Variants in ZNF483 observed in about 807,000 individuals in gnomAD.
ZNF483 encodes zinc finger protein 483.
ZNF483 carries 9 observed loss-of-function variants against 28.6 expected under a neutral mutation model. The ratio of observed to expected loss-of-function variants is 0.32; its 90% CI spans 0.19 to 0.55. The LOEUF is 0.55. ZNF483 is among the 20% of genes least tolerant of loss of function. The pLI is 0.93. For missense variants in ZNF483, 675 were observed against 871.7 expected, an observed-to-expected ratio of 0.77 and a Z score of 2.84; for synonymous variants, 322 against 306.2, an observed-to-expected ratio of 1.05 and a Z score of -0.54.
Position 111,542,696 on chromosome 9 carries a change from C to G in ZNF483, c.1761C>G (p.Ala587=), listed in dbSNP as rs1453440892. The change falls in exon 6 of 6, where the codon GCC becomes GCG. Residue 587 remains alanine (A), a synonymous_variant. Coordinates refer to ENST00000309235, the MANE Select transcript of ZNF483 (RefSeq NM_133464.5). This position sits in a 1 kb window ranked among gnomAD's most constrained non-coding sequence, Gnocchi z 6.2. ...ATAAATGTGGCGAATGTGGAAAAGC[C>G]TTTAGGCAGAATTCATGCCTTACCC... is the stretch of plus-strand genomic sequence containing the variant. ...KPYKCGECGK[A]FRQNSCLTRH... 1.9e-6 allele frequency: 3 copies of G among 1,614,076 alleles called. No individual in the cohort carries two copies. Among genetic ancestry groups the G allele is most frequent in the Non-Finnish European group, 2.5e-6 (3 of 1,179,998 alleles).
chr9:111,560,962 T>G lies in ZNF483; in HGVS notation c.722-15403T>G, dbSNP rs1828271489. ...CATCTAAAATATATATATATATATA[T>G]ATATATATATATAGAGAGAGAGAGA... On this transcript the variant is annotated intron_variant, in intron 5 of 5. Transcript: ENST00000358151. Among the ~76,000 whole-genome samples the G allele has an allele frequency of 4.4e-5, 2 of 45,926 alleles. 1 individual carries two copies. The allele number at this position is 45,926 out of a possible 152,430, so 30.1% of individuals were successfully genotyped here.
intron 2 of ZNF483, among the ~76,000 whole-genome samples, chr9:111,528,588 TTGCAGTGTAATA>T: frequency 6.6e-6 from 1 of 152,308 alleles, no homozygotes; most frequent in South Asian, 2.1e-4. Flanking sequence ...TATTTGTATT[TTGCAGTGTAATA>T]TGCTACAAAT....
In ZNF483 at chr9:111,546,426, C is replaced by T. The variant is rs907102626; in HGVS notation, c.*3256C>T. Among the ~76,000 whole-genome samples, 1 of 152,096 alleles carries T rather than the reference C, an allele frequency of 6.6e-6. No homozygotes were observed. The highest frequency in any genetic ancestry group is 1.5e-5 in the Non-Finnish European group (1 of 67,990). On this transcript the variant is annotated 3_prime_UTR_variant, in exon 6 of 6. Transcript: ENST00000309235. ...TGCCTGCAGGACATTCAGTCTGGCC[C>T]ATCACCCAAATATTTAAATTCACTT...
chr9:111,566,053 A>G (rs1489271818), intron 5 of ZNF483, among the ~76,000 whole-genome samples: 1 of 151,958 alleles, frequency 6.6e-6, no homozygotes, highest in Non-Finnish European at 1.5e-5. Flanking sequence ...CTCTACTAAA[A>G]ATAGCCGAGA....
At chr9:111,573,690 T>C (rs1309504971) in intron 5 of ZNF483, among the ~76,000 whole-genome samples, 1 of 152,178 alleles carries the variant, frequency 6.6e-6, no homozygotes, top group Non-Finnish European at 1.5e-5. Flanking sequence ...GTTTTGAGTC[T>C]GTTGCCAATA....
At chr9:111,565,124 C>CA (rs879478393) in intron 5 of ZNF483, among the ~76,000 whole-genome samples, 2 of 146,694 alleles carry the variant, frequency 1.4e-5, no homozygotes, top group East Asian at 2.0e-4. Flanking sequence ...AACTCCATCT[C>CA]AAAAAAAAAA....
rs1229469186 is a variant in ZNF483, at chr9:111,549,174, TAAAG to T, written c.*6006_*6009del. On this transcript the variant is annotated 3_prime_UTR_variant, in exon 6 of 6. Coordinates refer to ENST00000309235, the MANE Select transcript of ZNF483 (RefSeq NM_133464.5). ...TTCTCTGTGTGTGTGAGTGTATAAA[TAAAG>T]ATTTAATTTTGTTTTGCTCTTTTGT... 6.6e-6 allele frequency among the ~76,000 whole-genome samples: 1 copy of T among 152,220 alleles called. No individual in the cohort carries two copies. The highest frequency in any genetic ancestry group is 2.4e-5 in the African/African-American group (1 of 41,470).
At chr9:111,526,725 A>T (rs1362937104) in intron 1 of ZNF483, among the ~76,000 whole-genome samples, 1 of 152,152 alleles carries the variant, frequency 6.6e-6, no homozygotes, top group African/African-American at 2.4e-5. Context: ...ACCTTTTCTG[A>T]TAACATTTTG....
intron 5 of ZNF483, among the ~76,000 whole-genome samples, chr9:111,572,566 G>A (rs1828865083): frequency 6.6e-6 from 1 of 151,896 alleles, no homozygotes; most frequent in African/African-American, 2.4e-5. Context: ...CTCCAGCCTG[G>A]GCGACAGAGT....
Position 111,527,525 on chromosome 9 carries a change from A to G in ZNF483, c.130A>G (p.Asn44Asp), listed in dbSNP as rs1827212236. The G allele has an allele frequency of 6.2e-7, 1 of 1,614,210 alleles. No homozygotes were observed. The highest frequency in any genetic ancestry group is 8.5e-7 in the Non-Finnish European group (1 of 1,180,036). Residue 44 changes from asparagine to aspartate, a missense_variant, in exon 2 of 6, where the codon AAT becomes GAT. Coordinates refer to ENST00000309235, the MANE Select transcript of ZNF483 (RefSeq NM_133464.5). ...SGEQEAILRGNAADAESFRQR... is the reference protein window; with the variant it reads ...SGEQEAILRGDAADAESFRQR... ...GGAACAAGAAGCTATTTTAAGAGGA[A>G]ATGCTGCTGATGCAGAGTCTTTCAG...
rs954672048 is a variant in ZNF483 at position 111,547,936 on chromosome 9, A to G, written c.*4766A>G. On this transcript the variant is annotated 3_prime_UTR_variant, in exon 6 of 6. Transcript: ENST00000309235. ...CTCTTGTCAAAGATCATTTGACCAT[A>G]TACATGCATGTTTATTTCTGGCTGT... Among the ~76,000 whole-genome samples the G allele has an allele frequency of 6.6e-6, 1 of 152,188 alleles. No homozygotes were observed. The highest frequency in any genetic ancestry group is 1.5e-5 in the Non-Finnish European group (1 of 68,020).
rs1178438143 is a variant in ZNF483 at position 111,549,672 on chromosome 9, T to A, written c.*6502T>A. ...GTGGCAGCGGCAGCAGGGTTCCCCA[T>A]TGATTTTCTAAATGTTTGTAGTCCT... is the stretch of plus-strand genomic sequence containing the variant. On this transcript the variant is annotated 3_prime_UTR_variant, in exon 6 of 6. Transcript: ENST00000309235. 6 of 1,492,646 alleles carry A rather than the reference T, an allele frequency of 4.0e-6. No homozygotes were observed. The African/African-American group carries it at 7.1e-5, about 18-fold the overall frequency. The allele number at this position is 1,492,646 out of a possible 1,614,324, so 92.5% of individuals were successfully genotyped here. A position where few individuals can be genotyped will look rare whatever the true frequency, so the allele number is the denominator to read the frequency against.
Position 111,534,253 on chromosome 9 carries a change from A to G in ZNF483, c.629-8A>G, listed in dbSNP as rs773706705. On this transcript the variant is annotated splice_polypyrimidine_tract_variant and splice_region_variant and intron_variant, in intron 4 of 5. Coordinates refer to ENST00000309235, the MANE Select transcript of ZNF483 (RefSeq NM_133464.5). Reference sequence around the variant, plus strand: ...ACAGCAATTTTCTGTTCTTTTCTCTATGAGCAGACTTTCCAGTTTCAAAAT... The same window carrying G: ...ACAGCAATTTTCTGTTCTTTTCTCTGTGAGCAGACTTTCCAGTTTCAAAAT... The G allele has an allele frequency of 4.8e-5, 77 of 1,612,936 alleles. No homozygotes were observed. The South Asian group carries it at 6.0e-4, about 13-fold the overall frequency.
Position 111,542,148 on chromosome 9 carries a change from C to G in ZNF483, c.1213C>G (p.Leu405Val). Residue 405 changes from leucine to valine, a missense_variant, in exon 6 of 6, where the codon CTT becomes GTT. Physicochemically the swap from Leu to Val is conservative, Grantham distance 32. Around this residue, in one of 6 missense-constraint regions of ZNF483, gnomAD observed 525 missense variants for 581.8 expected, o/e 0.90. Coordinates refer to ENST00000309235, the MANE Select transcript of ZNF483 (RefSeq NM_133464.5). This position sits in a 1 kb window ranked among gnomAD's most constrained non-coding sequence, Gnocchi z 6.2. Reference protein sequence around the residue: ...CGIIFIRRSTLSRRKTPMCEK... With the variant: ...CGIIFIRRSTVSRRKTPMCEK... ...GATAATCTTTATTAGAAGATCAACT[C>G]TTTCTAGGAGAAAAACCCCTATGTG... The G allele has an allele frequency of 6.2e-7, 1 of 1,614,064 alleles. No homozygotes were observed. The highest frequency in any genetic ancestry group is 8.5e-7 in the Non-Finnish European group (1 of 1,180,014).
Position 111,550,236 on chromosome 9 carries a change from G to A in ZNF483, c.*7066G>A, listed in dbSNP as rs937319753. Among the ~76,000 whole-genome samples the A allele has an allele frequency of 5.3e-5, 8 of 152,152 alleles. No homozygotes were observed. The highest frequency in any genetic ancestry group is 1.9e-4 in the African/African-American group (8 of 41,432). On this transcript the variant is annotated 3_prime_UTR_variant, in exon 6 of 6. Transcript: ENST00000309235. ...CACCTAGATACACAGTTTTTTGAAT[G>A]TCCAGAAAAACAGGTTTCATCCCTT...
intron 5 of ZNF483, among the ~76,000 whole-genome samples, chr9:111,571,402 C>T (rs904824056): frequency 2.0e-5 from 3 of 149,456 alleles, no homozygotes; most frequent in South Asian, 4.4e-4. Context: ...GAGCGAGACT[C>T]GGTTTCAAAA....
At chr9:111,577,035 G>A (rs1471806815) in exon 6 of ZNF483, 1 of 151,836 alleles carries the variant, frequency 6.6e-6, no homozygotes, top group Non-Finnish European at 1.5e-5. Context: ...AGGTTGCAGT[G>A]AGCCAAGATC....
chr9:111,561,992 T>C (rs558184596), intron 5 of ZNF483, among the ~76,000 whole-genome samples: 1 of 150,852 alleles, frequency 6.6e-6, no homozygotes. Flanking sequence ...CTCAAGCGAT[T>C]TTCCTGCCTC....
rs1176527713 is a variant in ZNF483, at chr9:111,550,320, TTGTC to T, written c.*7153_*7156del. On this transcript the variant is annotated 3_prime_UTR_variant, in exon 6 of 6. Coordinates refer to ENST00000309235, the MANE Select transcript of ZNF483 (RefSeq NM_133464.5). ...GTTGGGAGAATGGTAGCTTGCTTCTTTGTCTGCTCTTTCTCTGTGATCAGAAGTA... is the reference window on the plus strand; with the variant it reads ...GTTGGGAGAATGGTAGCTTGCTTCTTTGCTCTTTCTCTGTGATCAGAAGTA... 1.3e-5 allele frequency among the ~76,000 whole-genome samples: 2 copies of T among 152,194 alleles called. No homozygotes were observed. The highest frequency in any genetic ancestry group is 1.3e-4 in the Admixed American group (2 of 15,278).
Sources: gnomAD v4.1 joint callset for allele counts (sites outside exome capture counted in the v4.1 genomes callset) on GRCh38, gnomAD v4.1.1 for gene constraint, gnomAD v4.1.1 regional missense constraint, Gnocchi (gnomAD v3.1) non-coding constraint, MANE v1.5 for transcripts, NCBI Gene and HGNC (gene_info 2026-07-23, HGNC 2026-07-21) for gene names.